Variants in FBXL17 observed in about 807,000 individuals in gnomAD.
FBXL17 encodes F-box/LRR-repeat protein 17.
Under a neutral mutation model 66.2 loss-of-function variants are expected in FBXL17, and 22 were observed. That is an observed-to-expected ratio of 0.33 (90% CI 0.24 to 0.47). FBXL17 has a LOEUF of 0.47. Among genes scored for constraint, FBXL17 ranks in the 20% least tolerant of loss-of-function variants. The pLI is 1.00. For synonymous variants in FBXL17, 474 were observed against 400.5 expected (o/e 1.18, Z -2.19); for missense variants, 878 against 948.2 (o/e 0.93, Z 0.97).
intron 7 of FBXL17, among the ~76,000 whole-genome samples, chr5:107,980,664 A>ATATATATATATATATATATATTT: frequency 1.3e-4 from 8 of 62,070 alleles, no homozygotes; most frequent in East Asian, 1.1e-3. Context: ...ATATATATAT[A>ATATATATATATATATATATATTT]TTTTTTTTTT....
intron 4 of FBXL17, among the ~76,000 whole-genome samples, chr5:108,293,742 C>T (rs2150166405): frequency 6.6e-6 from 1 of 152,072 alleles, no homozygotes; most frequent in South Asian, 2.1e-4. Context: ...GGATCTCACT[C>T]AGAAGTAATG....
At chr5:108,224,516 T>C (rs1755011606) in intron 4 of FBXL17, among the ~76,000 whole-genome samples, 1 of 143,692 alleles carries the variant, frequency 7.0e-6, no homozygotes, top group Non-Finnish European at 1.5e-5. Context: ...TGTGTATATA[T>C]ATGTATATGT....
intron 6 of FBXL17, among the ~76,000 whole-genome samples, chr5:108,101,375 C>G (rs748386055): frequency 2.0e-5 from 3 of 152,218 alleles, no homozygotes; most frequent in Non-Finnish European, 4.4e-5. Flanking sequence ...ACATTTAAGC[C>G]TTTCGATGTT....
chr5:108,311,688 A>G (rs910316254), intron 4 of FBXL17, among the ~76,000 whole-genome samples: 21 of 152,148 alleles, frequency 1.4e-4, no homozygotes, highest in Non-Finnish European at 2.9e-5. Context: ...AAGCTCATGG[A>G]GAATCTAAAA....
intron 6 of FBXL17, among the ~76,000 whole-genome samples, chr5:108,108,916 TG>T: frequency 6.6e-6 from 1 of 151,970 alleles, no homozygotes; most frequent in Non-Finnish European, 1.5e-5. Flanking sequence ...CCTGAGTAGC[TG>T]GGATTACAGG....
At position 108,044,848 on chromosome 5, in the gene FBXL17, T is replaced by G. The variant is rs540389235; in HGVS notation, c.1746-23847A>C. Among the ~76,000 whole-genome samples the G allele has an allele frequency of 1.8e-4, 27 of 152,294 alleles. No individual in the cohort carries two copies. In the East Asian group the frequency reaches 5.0e-3, roughly 28 times the overall value. On this transcript the variant is annotated intron_variant, in intron 6 of 8. Transcript: ENST00000542267. The stretch of plus-strand genomic sequence containing the variant: ...ATAGTGCTGCTAAACTTAGCTGTTT[T>G]GTATTGGATAAGTTGTGGTAGCTTG...
At chr5:108,110,377 C>G (rs151161271) in intron 6 of FBXL17, among the ~76,000 whole-genome samples, 1,848 of 152,084 alleles carry the variant, frequency 0.012, 18 homozygotes, top group Non-Finnish European at 0.013. Context: ...AATTTCTTAA[C>G]TAGATATTAA....
intron 6 of FBXL17, among the ~76,000 whole-genome samples, chr5:108,131,831 GT>G (rs1293830963): frequency 4.6e-5 from 7 of 151,908 alleles, no homozygotes; most frequent in African/African-American, 1.7e-4. Context: ...AAATTTCAGG[GT>G]TTTATTTGTA....
chr5:108,313,439 C>T (rs1400747095), intron 4 of FBXL17, among the ~76,000 whole-genome samples: 2 of 152,102 alleles, frequency 1.3e-5, no homozygotes, highest in Non-Finnish European at 2.9e-5. Context: ...AAGAAGTCCA[C>T]CACTGTGTTG....
intron 4 of FBXL17, among the ~76,000 whole-genome samples, chr5:108,241,428 G>A (rs1458243544): frequency 1.3e-5 from 2 of 151,948 alleles, no homozygotes; most frequent in East Asian, 3.9e-4. Context: ...TTGAAGACAG[G>A]CTATTTGAAA....
chr5:108,209,147 T>C (rs1019289176), intron 5 of FBXL17, among the ~76,000 whole-genome samples: 2 of 152,220 alleles, frequency 1.3e-5, no homozygotes, highest in African/African-American at 2.4e-5. Context: ...CTTGTGATTT[T>C]TGCACATTGA....
intron 4 of FBXL17, among the ~76,000 whole-genome samples, chr5:108,242,365 T>C (rs931326179): frequency 1.7e-3 from 233 of 139,692 alleles, no homozygotes; most frequent in African/African-American, 7.1e-3. Context: ...GTTGTTGTTG[T>C]TGTTGTTGTT....
intron 7 of FBXL17, among the ~76,000 whole-genome samples, chr5:107,923,956 A>G (rs1750408846): frequency 6.6e-6 from 1 of 152,072 alleles, no homozygotes; most frequent in South Asian, 2.1e-4. Flanking sequence ...GAAGACAACT[A>G]AACTGGATGA....
intron 7 of FBXL17, among the ~76,000 whole-genome samples, chr5:107,971,922 T>C (rs1183281173): frequency 1.1e-4 from 16 of 152,336 alleles, no homozygotes; most frequent in Admixed American, 1.0e-3. Flanking sequence ...CTCCTGCTCA[T>C]ACCTTTGGCA....
chr5:108,091,954 C>A (rs1749202360), intron 6 of FBXL17, among the ~76,000 whole-genome samples: 1 of 152,108 alleles, frequency 6.6e-6, no homozygotes, highest in East Asian at 1.9e-4. Flanking sequence ...TATATAACAG[C>A]ATGTTTTCTT....
chr5:107,914,467 AC>A (rs1325920595), intron 7 of FBXL17, among the ~76,000 whole-genome samples: 10 of 152,194 alleles, frequency 6.6e-5, no homozygotes, highest in Non-Finnish European at 1.2e-4. Context: ...GCTGCTGCCC[AC>A]CAAATTATTC....
chr5:108,184,987 A>G (rs1753169225), intron 6 of FBXL17, among the ~76,000 whole-genome samples: 1 of 152,126 alleles, frequency 6.6e-6, no homozygotes, highest in Admixed American at 6.5e-5. Context: ...CTACCTAATC[A>G]GTAGTGCTAG....
At chr5:107,991,018 AG>A (rs1214548619) in intron 7 of FBXL17, among the ~76,000 whole-genome samples, 1 of 112,550 alleles carries the variant, frequency 8.9e-6, no homozygotes, top group Non-Finnish European at 2.0e-5. Context: ...GAAAAGGGCT[AG>A]TTACAGACAT....
intron 4 of FBXL17, among the ~76,000 whole-genome samples, chr5:108,236,976 A>G (rs2966793): frequency 0.75 from 113,593 of 152,032 alleles, 42,779 homozygotes; most frequent in East Asian, 0.93. Context: ...GAGTCTGTGG[A>G]ATAGTTTGGT....
Sources: gnomAD v4.1 joint callset for allele counts (sites outside exome capture counted in the v4.1 genomes callset) on GRCh38, gnomAD v4.1.1 for gene constraint, MANE v1.5 for transcripts, NCBI Gene and HGNC (gene_info 2026-07-23, HGNC 2026-07-21) for gene names.